FOLH1: variants seen among roughly 807,000 people sequenced by gnomAD.
FOLH1 encodes the protein folate hydrolase 1, also known as glutamate carboxypeptidase 2.
In FOLH1, 54 loss-of-function variants were observed where a neutral mutation model predicts 93.9. That is an observed-to-expected ratio of 0.57 (90% CI 0.46 to 0.72). The LOEUF is 0.72. Among genes scored for constraint, FOLH1 ranks in the 30% least tolerant of loss-of-function variants. The probability of loss-of-function intolerance (pLI) is 0.00; values close to 1 mark genes in which losing one functional copy is unlikely to be tolerated. For synonymous variants in FOLH1, 249 were observed against 303.6 expected (o/e 0.82, Z 1.87); for missense variants, 571 against 892.5 (o/e 0.64, Z 4.59).
At chr11:49,187,269 C>T (rs533683083) in intron 4 of FOLH1, among the ~76,000 whole-genome samples, 23 of 152,292 alleles carry the variant, frequency 1.5e-4, no homozygotes, top group African/African-American at 5.5e-4. Context: ...ATGTGCAAAT[C>T]TTATAACATA....
rs758439576 is a variant in FOLH1 at position 49,174,901 on chromosome 11, C to T, written c.1096G>A (p.Val366Met). The change falls in exon 9 of 19, where the codon GTG becomes ATG. Residue 366 changes from valine to methionine, a missense_variant. This residue lies in a region of FOLH1 where 500 missense variants were observed against 822.9 expected (regional missense o/e 0.61). Coordinates refer to ENST00000256999, the MANE Select transcript of FOLH1 (RefSeq NM_004476.3). ...YNVIGTLRGAVEPDRYVILGG... is the reference protein window; with the variant it reads ...YNVIGTLRGAMEPDRYVILGG... ...CAAACGATTCCTTTACCTGGTTCCA[C>T]TGCTCCTCTGAGAGTACCTATCACA... The T allele has an allele frequency of 6.2e-7, 1 of 1,608,702 alleles. No homozygotes were observed. Among genetic ancestry groups the T allele is most frequent in the South Asian group, 1.1e-5 (1 of 90,642 alleles).
At chr11:49,149,662 G>A in intron 17 of FOLH1, among the ~76,000 whole-genome samples, 1 of 151,996 alleles carries the variant, frequency 6.6e-6, no homozygotes, top group East Asian at 1.9e-4. Flanking sequence ...TGTAGAGTGA[G>A]CATCATTCTG....
In FOLH1 at chr11:49,148,741, A is replaced by G; in HGVS notation, c.1971-10T>C. The G allele has an allele frequency of 6.5e-7, 1 of 1,547,398 alleles. No homozygotes were observed. ...TCTTAATACTATTGGGCTGAGAAAG[A>G]AAATGAATATAATTATAACTTCATG... On this transcript the variant is annotated splice_polypyrimidine_tract_variant and intron_variant, in intron 17 of 18. Coordinates refer to ENST00000256999, the MANE Select transcript of FOLH1 (RefSeq NM_004476.3).
chr11:49,169,339 T>C, intron 11 of FOLH1, 81 bp from the exon 12 acceptor site: 1 of 1,324,720 alleles, frequency 7.5e-7, no homozygotes, highest in Admixed American at 1.9e-5. Context: ...ACATTTAATG[T>C]ATGTAGATTT....
intron 13 of FOLH1, among the ~76,000 whole-genome samples, chr11:49,160,830 T>C (rs529028149): frequency 1.3e-5 from 2 of 152,314 alleles, no homozygotes; most frequent in South Asian, 2.1e-4. Context: ...TTCTGGTGTG[T>C]CATATCTTTG....
chr11:49,208,156 C>T lies in FOLH1; in HGVS notation c.118+136G>A, dbSNP rs1367652628. Reference sequence around the variant, plus strand: ...CTCCTAACTCGAGGGGTGCTCACCCCACATTACCCCGACCCTAATCGCCGC... The same window carrying T: ...CTCCTAACTCGAGGGGTGCTCACCCTACATTACCCCGACCCTAATCGCCGC... On this transcript the variant is annotated intron_variant, in intron 1 of 18. Coordinates refer to ENST00000256999, the MANE Select transcript of FOLH1 (RefSeq NM_004476.3). 3 of 665,596 alleles carry T rather than the reference C, an allele frequency of 4.5e-6. No homozygotes were observed. In the African/African-American group the frequency reaches 5.5e-5, roughly 12 times the overall value. 41.2% of individuals were successfully genotyped at this position (665,596 alleles called of 1,614,324 possible). A position where few individuals can be genotyped will look rare whatever the true frequency, so the allele number is the denominator to read the frequency against.
chr11:49,203,053 T>C (rs956000465), intron 2 of FOLH1, among the ~76,000 whole-genome samples: 4 of 152,230 alleles, frequency 2.6e-5, no homozygotes, highest in Admixed American at 1.3e-4. Flanking sequence ...TATTCTAGTA[T>C]CAACAAATTA....
chr11:49,193,271 C>T (rs1401285700), intron 3 of FOLH1, among the ~76,000 whole-genome samples: 1 of 152,104 alleles, frequency 6.6e-6, no homozygotes, highest in Admixed American at 6.5e-5. Context: ...AAACTGTGTA[C>T]TGATAGAAGG....
At chr11:49,172,064 A>C (rs754229224) in intron 10 of FOLH1, among the ~76,000 whole-genome samples, 2 of 152,178 alleles carry the variant, frequency 1.3e-5, no homozygotes, top group Admixed American at 1.3e-4. Context: ...TCATCATCTT[A>C]GTAAATATTC....
At chr11:49,189,511 C>T (rs1590640625) in intron 4 of FOLH1, among the ~76,000 whole-genome samples, 1 of 152,128 alleles carries the variant, frequency 6.6e-6, no homozygotes, top group Non-Finnish European at 1.5e-5. Flanking sequence ...CACTGCAGGT[C>T]CTCCTTCACT....
chr11:49,154,856 A>G (rs1856843037), intron 15 of FOLH1, among the ~76,000 whole-genome samples: 1 of 152,112 alleles, frequency 6.6e-6, no homozygotes, highest in Non-Finnish European at 1.5e-5. Context: ...TGTTAAAGGC[A>G]AGTACATAAG....
intron 7 of FOLH1, among the ~76,000 whole-genome samples, chr11:49,182,565 C>A (rs644754): frequency 6.6e-6 from 1 of 151,470 alleles, no homozygotes; most frequent in Admixed American, 6.6e-5. Flanking sequence ...AAGAGGAATA[C>A]ATGAGTAAGA....
At chr11:49,149,836 T>C (rs555728414) in intron 17 of FOLH1, among the ~76,000 whole-genome samples, 2 of 152,218 alleles carry the variant, frequency 1.3e-5, no homozygotes, top group Non-Finnish European at 2.9e-5. Flanking sequence ...GCTAACATTT[T>C]CAAATGTAAG....
chr11:49,158,546 T>C (rs1857280122), intron 13 of FOLH1, among the ~76,000 whole-genome samples: 1 of 152,142 alleles, frequency 6.6e-6, no homozygotes, highest in Admixed American at 6.5e-5. Context: ...TTGATTACTG[T>C]AGCCTCATAG....
At chr11:49,161,259 T>A (rs1470880180) in intron 13 of FOLH1, among the ~76,000 whole-genome samples, 1 of 152,230 alleles carries the variant, frequency 6.6e-6, no homozygotes, top group Non-Finnish European at 1.5e-5. Flanking sequence ...TGTGGGAGTC[T>A]AAGTCTCTTT....
Position 49,146,764 on chromosome 11 carries a change from C to T in FOLH1, c.2245G>A (p.Val749Ile). 6.2e-7 allele frequency: 1 copy of T among 1,610,620 alleles called. No homozygotes were observed. ...VQAAAETLSE[V>I]A ...TTCTCTAAAGAATCCTCTTAGGCTACTTCACTCAAAGTCTCTGCAGCTGCC... is the reference window on the plus strand; with the variant it reads ...TTCTCTAAAGAATCCTCTTAGGCTATTTCACTCAAAGTCTCTGCAGCTGCC... The change falls in exon 19 of 19, where the codon GTA becomes ATA. Residue 749 changes from valine (V) to isoleucine (I), a missense_variant. Transcript: ENST00000256999.
intron 12 of FOLH1, among the ~76,000 whole-genome samples, chr11:49,167,557 G>A (rs1374279828): frequency 2.0e-5 from 3 of 152,174 alleles, no homozygotes; most frequent in Admixed American, 1.3e-4. Context: ...GCTCAGACCC[G>A]TAATCCTAGC....
At chr11:49,177,124 G>C (rs1023109048) in intron 7 of FOLH1, among the ~76,000 whole-genome samples, 4 of 152,162 alleles carry the variant, frequency 2.6e-5, no homozygotes, top group Non-Finnish European at 4.4e-5. Flanking sequence ...ATGCAATAAG[G>C]AAACAATCAG....
chr11:49,190,928 T>A (rs1185493929), intron 4 of FOLH1, among the ~76,000 whole-genome samples: 1 of 152,222 alleles, frequency 6.6e-6, no homozygotes, highest in Non-Finnish European at 1.5e-5. Flanking sequence ...TTAAAAATCT[T>A]AAATGAATGT....
Sources: gnomAD v4.1 joint callset for allele counts (sites outside exome capture counted in the v4.1 genomes callset) on GRCh38, gnomAD v4.1.1 for gene constraint, gnomAD v4.1.1 regional missense constraint, MANE v1.5 for transcripts, NCBI Gene and HGNC (gene_info 2026-07-23, HGNC 2026-07-21) for gene names.